The following KDM3B variants were observed in gnomAD, a reference collection of about 807,000 sequenced individuals.
KDM3B encodes lysine-specific demethylase 3B.
KDM3B carries 10 observed loss-of-function variants against 170.0 expected under a neutral mutation model. That is an observed-to-expected ratio of 0.06 (90% CI 0.04 to 0.10). The LOEUF (loss-of-function observed/expected upper bound fraction) is 0.10, where lower values mean the gene tolerates loss of function less well. Ranked by LOEUF, KDM3B falls within the 10% of genes least tolerant of loss-of-function variation. The pLI, the probability that KDM3B is intolerant of heterozygous loss-of-function variation, is 1.00. For missense variants in KDM3B, 1,394 were observed against 2,195.2 expected (o/e 0.64, Z 7.29); for synonymous variants, 831 against 834.8 (o/e 1.00, Z 0.08).
intron 11 of KDM3B, among the ~76,000 whole-genome samples, chr5:138,406,069 A>C (rs1415996321): frequency 6.6e-6 from 1 of 152,232 alleles, no homozygotes; most frequent in African/African-American, 2.4e-5. Flanking sequence ...GGGACTGGCT[A>C]GGTTTGGTGG....
chr5:138,427,482 A>T (rs1346718719), intron 19 of KDM3B, among the ~76,000 whole-genome samples, 163 bp downstream of exon 19: 1 of 152,192 alleles, frequency 6.6e-6, no homozygotes, highest in African/African-American at 2.4e-5. Flanking sequence ...CTTTTGTCAT[A>T]TTGGTTTTCA....
chr5:138,426,510 G>C (rs569083678), intron 17 of KDM3B, among the ~76,000 whole-genome samples: 1 of 149,400 alleles, frequency 6.7e-6, no homozygotes, highest in African/African-American at 2.5e-5. Context: ...GGGAGGCGGA[G>C]CTTGCAGTGA....
intron 14 of KDM3B, among the ~76,000 whole-genome samples, chr5:138,419,688 T>TATATAG (rs1192676979): frequency 8.4e-6 from 1 of 119,112 alleles, no homozygotes; most frequent in Non-Finnish European, 1.7e-5. Context: ...TATATATATA[T>TATATAG]ACATATATAT....
intron 7 of KDM3B, 100 bp from the exon 8 acceptor site, chr5:138,390,913 C>A: frequency 1.8e-6 from 2 of 1,135,520 alleles, no homozygotes; most frequent in Non-Finnish European, 1.2e-6. Context: ...GTTGATGGAC[C>A]CCCAAGAAAT....
Position 138,393,332 on chromosome 5 carries a change from G to A in KDM3B, c.2791G>A (p.Asp931Asn). 1 of 1,614,190 alleles carries A rather than the reference G, an allele frequency of 6.2e-7. No homozygotes were observed. The highest frequency in any genetic ancestry group is 8.5e-7 in the Non-Finnish European group (1 of 1,180,040). Reference sequence around the variant, plus strand: ...CCGGAAGTTTAAGGAACAGGAGCAAGATGATTCTACTGTAGCCTGCCGTTT... The same window carrying A: ...CCGGAAGTTTAAGGAACAGGAGCAAAATGATTCTACTGTAGCCTGCCGTTT... ...RYRKFKEQEQ[D>N]DSTVACRFFH... The change falls in exon 9 of 24, where the codon GAT (aspartate) becomes AAT (asparagine). Residue 931 changes from aspartate (D) to asparagine (N), a missense_variant. Transcript: ENST00000314358.
chr5:138,387,113 G>T (rs545947299), intron 7 of KDM3B, among the ~76,000 whole-genome samples: 2 of 152,218 alleles, frequency 1.3e-5, no homozygotes, highest in African/African-American at 4.8e-5. Flanking sequence ...GCCATGGAAG[G>T]TTTTTTCTCC....
At chr5:138,368,429 T>G (rs945024995) in intron 1 of KDM3B, among the ~76,000 whole-genome samples, 1 of 151,748 alleles carries the variant, frequency 6.6e-6, no homozygotes, top group Non-Finnish European at 1.5e-5. Context: ...AGAGACAGGA[T>G]CTTGCTATGT....
Position 138,386,201 on chromosome 5 carries a change from C to T in KDM3B, c.960C>T (p.Ser320=). 6.2e-7 allele frequency: 1 copy of T among 1,614,066 alleles called. No homozygotes were observed. Among genetic ancestry groups the T allele is most frequent in the Non-Finnish European group, 8.5e-7 (1 of 1,180,018 alleles). ...ATGGGAGCGATGGAGGTGAGGCAAG[C>T]CGAGGGCCCTGGAAAGGAGGGAATG... The part of the protein sequence containing the change: ...DSNGSDGGEA[S]RGPWKGGNAS... The change falls in exon 7 of 24, where the codon AGC becomes AGT. Residue 320 remains serine (S), a synonymous_variant. Transcript: ENST00000314358.
chr5:138,388,088 C>A (rs555141203), intron 7 of KDM3B, among the ~76,000 whole-genome samples: 7 of 150,066 alleles, frequency 4.7e-5, no homozygotes, highest in African/African-American at 1.7e-4. Context: ...CTCAAAAAAA[C>A]AAAACAAAAC....
At chr5:138,425,307 G>A (rs1432893930) in intron 16 of KDM3B, 104 bp from the exon 17 acceptor site, 1 of 980,718 alleles carries the variant, frequency 1.0e-6, no homozygotes, top group African/African-American at 1.6e-5. Context: ...AGAGCTTCCT[G>A]GAGAAGAGGA....
chr5:138,388,722 G>A (rs1306152886), intron 7 of KDM3B, among the ~76,000 whole-genome samples: 1 of 151,404 alleles, frequency 6.6e-6, no homozygotes, highest in Admixed American at 6.6e-5. Context: ...TGAGGCAGGA[G>A]AATCACTTGA....
chr5:138,353,079 G>T lies in KDM3B; in HGVS notation c.192+92G>T, dbSNP rs542121070. 1.9e-3 allele frequency: 1,822 copies of T among 947,442 alleles called. 28 individuals carry two copies. In the African/African-American group the frequency reaches 0.028, roughly 15 times the overall value. The allele number at this position is 947,442 out of a possible 1,614,324, so 58.7% of individuals were successfully genotyped here. A position where few individuals can be genotyped will look rare whatever the true frequency, so the allele number is the denominator to read the frequency against. ...GCCTTTGTGAGGGGGCGGTGGGATG[G>T]GGGTGACCCATTTCCGTGCCCCCGG... On this transcript the variant is annotated intron_variant, in intron 1 of 23. Coordinates refer to ENST00000314358, the MANE Select transcript of KDM3B (RefSeq NM_016604.4).
chr5:138,433,848 C>T (rs1763602314), intron 23 of KDM3B, among the ~76,000 whole-genome samples: 1 of 152,138 alleles, frequency 6.6e-6, no homozygotes, highest in South Asian at 2.1e-4. Flanking sequence ...AAGCGATTCT[C>T]CTGCCTCAGC....
chr5:138,418,663 C>T (rs116610188), intron 13 of KDM3B, among the ~76,000 whole-genome samples: 289 of 152,318 alleles, frequency 1.9e-3, no homozygotes, highest in African/African-American at 5.9e-3. Context: ...AACAGCACTA[C>T]GAGGTCATTT....
intron 2 of KDM3B, among the ~76,000 whole-genome samples, chr5:138,373,951 T>C (rs954412171): frequency 6.6e-6 from 1 of 152,220 alleles, no homozygotes; most frequent in Non-Finnish European, 1.5e-5. Flanking sequence ...ATGGTATATG[T>C]CATCACTTAC....
intron 1 of KDM3B, among the ~76,000 whole-genome samples, chr5:138,362,132 C>T (rs1761624084): frequency 6.6e-6 from 1 of 151,916 alleles, no homozygotes; most frequent in South Asian, 2.1e-4. Flanking sequence ...CCAGTCTGGC[C>T]GACATGACAA....
intron 1 of KDM3B, among the ~76,000 whole-genome samples, chr5:138,355,516 A>G (rs1314898047): frequency 6.6e-6 from 1 of 152,254 alleles, no homozygotes; most frequent in East Asian, 1.9e-4. Flanking sequence ...CTTCACCAGC[A>G]GAAGCCATGC....
At position 138,435,867 on chromosome 5, in the gene KDM3B, G is replaced by A. The variant is rs1457102844; in HGVS notation, c.*167G>A. On this transcript the variant is annotated 3_prime_UTR_variant, in exon 24 of 24. Transcript: ENST00000314358. ...CTTCTACGCTGCCTCAACACTGAAG[G>A]TTGACACAGGAAAGTCGTACTGTTC... The A allele has an allele frequency of 1.6e-6, 1 of 606,546 alleles. No individual in the cohort carries two copies. The highest frequency in any genetic ancestry group is 1.8e-5 in the African/African-American group (1 of 54,168). The allele number at this position is 606,546 out of a possible 1,614,324, so 37.6% of individuals were successfully genotyped here.
chr5:138,379,877 G>C (rs1762084844), intron 5 of KDM3B, among the ~76,000 whole-genome samples, 169 bp downstream of exon 5: 1 of 152,160 alleles, frequency 6.6e-6, no homozygotes, highest in Non-Finnish European at 1.5e-5. Context: ...TAACTTCACT[G>C]TTCTCATCTA....
Sources: gnomAD v4.1 joint callset for allele counts (sites outside exome capture counted in the v4.1 genomes callset) on GRCh38, gnomAD v4.1.1 for gene constraint, MANE v1.5 for transcripts, NCBI Gene and HGNC (gene_info 2026-07-23, HGNC 2026-07-21) for gene names.